NEDD4: variants seen among roughly 807,000 people sequenced by gnomAD.
NEDD4 encodes E3 ubiquitin-protein ligase NEDD4.
NEDD4 carries 99 observed loss-of-function variants against 144.9 expected under a neutral mutation model. The ratio of observed to expected loss-of-function variants is 0.68; its 90% CI spans 0.58 to 0.81. The LOEUF (loss-of-function observed/expected upper bound fraction) is 0.81. Among genes scored for constraint, NEDD4 ranks in the 30% least tolerant of loss-of-function variants. The pLI is 0.00. For missense variants in NEDD4, 985 were observed against 1,065.9 expected (o/e 0.92, Z 1.06); for synonymous variants, 318 against 350.6 (o/e 0.91, Z 1.04).
chr15:55,833,504 A>G (rs1388131176), intron 26 of NEDD4, among the ~76,000 whole-genome samples: 2 of 150,892 alleles, frequency 1.3e-5, no homozygotes, highest in Non-Finnish European at 3.0e-5. Context: ...CTAAAAATAC[A>G]AAAAAAAATA....
chr15:55,831,220 G>T lies in NEDD4; in HGVS notation c.2528-634C>A, dbSNP rs528926381. 1.0e-3 allele frequency among the ~76,000 whole-genome samples: 154 copies of T among 152,196 alleles called. 1 individual carries two copies. The highest frequency in any genetic ancestry group is 3.5e-3 in the African/African-American group (146 of 41,546). Reference sequence around the variant, plus strand: ...CAGGCATGAGCTACCGCACCCAGCCGCCTTAACATACTTTTTATTGGCTAT... The same window carrying T: ...CAGGCATGAGCTACCGCACCCAGCCTCCTTAACATACTTTTTATTGGCTAT... On this transcript the variant is annotated intron_variant, in intron 27 of 28. Coordinates refer to ENST00000435532, the MANE Select transcript of NEDD4 (RefSeq NM_006154.4).
In NEDD4 at chr15:55,928,058, G is replaced by T. The variant is rs115533752; in HGVS notation, c.238-3359C>A. On this transcript the variant is annotated intron_variant, in intron 4 of 28. Coordinates refer to ENST00000435532, the MANE Select transcript of NEDD4 (RefSeq NM_006154.4). Reference sequence around the variant, plus strand: ...CCCTTCTCACTCTGTCACCCTGGCTGGAGTACAGTGGTGCAATCCCAACTC... The same window carrying T: ...CCCTTCTCACTCTGTCACCCTGGCTTGAGTACAGTGGTGCAATCCCAACTC... Among the ~76,000 whole-genome samples, 1,177 of 152,066 alleles carry T rather than the reference G, an allele frequency of 7.7e-3. 7 individuals carry two copies. Among genetic ancestry groups the T allele is most frequent in the African/African-American group, 0.024 (1,013 of 41,454 alleles).
intron 5 of NEDD4, among the ~76,000 whole-genome samples, chr15:55,904,689 G>T (rs947100350): frequency 6.6e-6 from 1 of 152,160 alleles, no homozygotes; most frequent in Non-Finnish European, 1.5e-5. Context: ...TACCAAGAAT[G>T]CAAAAAGTTG....
intron 1 of NEDD4, among the ~76,000 whole-genome samples, chr15:55,989,048 C>T (rs2037945140): frequency 6.6e-6 from 1 of 152,098 alleles, no homozygotes; most frequent in Non-Finnish European, 1.5e-5. Flanking sequence ...CCAGCCTGGC[C>T]AACATGGTAA....
chr15:55,888,762 A>G (rs1056790851), intron 5 of NEDD4, among the ~76,000 whole-genome samples: 3 of 152,334 alleles, frequency 2.0e-5, no homozygotes, highest in East Asian at 1.9e-4. Flanking sequence ...AGACAGACCA[A>G]TGGAACAGAA....
At position 55,829,677 on chromosome 15, in the gene NEDD4, T is replaced by G; in HGVS notation, c.*220A>C. On this transcript the variant is annotated 3_prime_UTR_variant, in exon 29 of 29. Coordinates refer to ENST00000435532, the MANE Select transcript of NEDD4 (RefSeq NM_006154.4). ...GCCTGGCTTTAGGCAGGCACCTAAC[T>G]CTAAAGACAGCATGAAACAACTGTG... 2.4e-6 allele frequency: 1 copy of G among 421,284 alleles called. No homozygotes were observed. Among genetic ancestry groups the G allele is most frequent in the Non-Finnish European group, 4.3e-6 (1 of 233,756 alleles). 26.1% of individuals were successfully genotyped at this position (421,284 alleles called of 1,614,324 possible). A position where few individuals can be genotyped will look rare whatever the true frequency, so the allele number is the denominator to read the frequency against.
At chr15:55,849,328 G>A (rs1263503180) in intron 14 of NEDD4, among the ~76,000 whole-genome samples, 1 of 152,072 alleles carries the variant, frequency 6.6e-6, no homozygotes, top group Non-Finnish European at 1.5e-5. Context: ...AGGTTCAAGG[G>A]ATTCTCCTGC....
chr15:55,856,321 T>C, intron 11 of NEDD4, 125 bp from the exon 12 acceptor site: 2 of 790,754 alleles, frequency 2.5e-6, no homozygotes, highest in South Asian at 1.5e-5. Context: ...GATGCAAATG[T>C]TGAGAGTGCA....
chr15:55,867,919 G>A (rs561523824), intron 8 of NEDD4, among the ~76,000 whole-genome samples: 6 of 152,220 alleles, frequency 3.9e-5, no homozygotes, highest in Non-Finnish European at 7.4e-5. Context: ...AGCCAGGCAT[G>A]GTAGCACATG....
At chr15:55,917,829 G>T (rs878893005) in intron 5 of NEDD4, among the ~76,000 whole-genome samples, 1 of 148,956 alleles carries the variant, frequency 6.7e-6, no homozygotes, top group Non-Finnish European at 1.5e-5. Context: ...AATATATGCA[G>T]ATTAGAAAAA....
At position 55,993,601 on chromosome 15, in the gene NEDD4, G is replaced by A. The variant is rs1436121567; in HGVS notation, c.-46C>T. On this transcript the variant is annotated 5_prime_UTR_variant, in exon 1 of 29. Coordinates refer to ENST00000435532, the MANE Select transcript of NEDD4 (RefSeq NM_006154.4). ...CCGGACGCGCTCGCCCCCGCCCAGG[G>A]CAGGCAACTGTGGAGGAGGAGGAGG... 9 of 1,582,626 alleles carry A rather than the reference G, an allele frequency of 5.7e-6. No individual in the cohort carries two copies. The highest frequency in any genetic ancestry group is 2.3e-4 in the Middle Eastern group (1 of 4,420).
intron 5 of NEDD4, chr15:55,905,303 C>T (rs1239664198): frequency 2.2e-6 from 1 of 455,644 alleles, no homozygotes; most frequent in East Asian, 7.0e-5. Context: ...AACTGGCAAT[C>T]ATTAGAAGTT....
chr15:55,963,552 T>C (rs1276512787), intron 2 of NEDD4, among the ~76,000 whole-genome samples: 4 of 152,250 alleles, frequency 2.6e-5, no homozygotes, highest in Non-Finnish European at 5.9e-5. Context: ...AACTTATACC[T>C]GCTCCATCCT....
chr15:55,968,188 T>C (rs1397048419), intron 1 of NEDD4, among the ~76,000 whole-genome samples: 4 of 152,046 alleles, frequency 2.6e-5, no homozygotes, highest in South Asian at 2.1e-4. Context: ...CCAAAATTCA[T>C]AGAGAGGAGT....
intron 4 of NEDD4, among the ~76,000 whole-genome samples, chr15:55,931,015 A>G (rs770927989): frequency 6.6e-6 from 1 of 152,236 alleles, no homozygotes; most frequent in Non-Finnish European, 1.5e-5. Flanking sequence ...TACAAGGCAT[A>G]TAACTGTGAA....
chr15:55,981,838 G>A (rs2037809136), intron 1 of NEDD4, among the ~76,000 whole-genome samples: 1 of 152,148 alleles, frequency 6.6e-6, no homozygotes, highest in African/African-American at 2.4e-5. Flanking sequence ...GACAACCACA[G>A]GTACAGAACA....
chr15:55,829,378 A>G lies in NEDD4; in HGVS notation c.*519T>C, dbSNP rs1052125985. 5 of 152,666 alleles carry G rather than the reference A, an allele frequency of 3.3e-5. No individual in the cohort carries two copies. The highest frequency in any genetic ancestry group is 1.2e-4 in the African/African-American group (5 of 41,460). 9.5% of individuals were successfully genotyped at this position (152,666 alleles called of 1,614,324 possible). On this transcript the variant is annotated 3_prime_UTR_variant, in exon 29 of 29. Transcript: ENST00000435532. Reference sequence around the variant, plus strand: ...AAGGTGCATAAGGCAGGTCTACAAAATAATAAATAGCTGCGAGTAGCACTA... The same window carrying G: ...AAGGTGCATAAGGCAGGTCTACAAAGTAATAAATAGCTGCGAGTAGCACTA...
intron 5 of NEDD4, among the ~76,000 whole-genome samples, chr15:55,887,655 A>G (rs1156546808): frequency 2.0e-5 from 3 of 152,168 alleles, no homozygotes; most frequent in Admixed American, 1.3e-4. Context: ...TTACTCAGAG[A>G]CCAAAACCAA....
In NEDD4 at chr15:55,898,345, A is replaced by G. The variant is rs1043304842; in HGVS notation, c.292-24337T>C. 2.6e-5 allele frequency among the ~76,000 whole-genome samples: 4 copies of G among 152,244 alleles called. No homozygotes were observed. In the East Asian group the frequency reaches 7.7e-4, roughly 29 times the overall value. ...TACAAACTACTGAACTTCATATTCAATTTTTTCTATGTATTAAACAACACT... is the reference window on the plus strand; with the variant it reads ...TACAAACTACTGAACTTCATATTCAGTTTTTTCTATGTATTAAACAACACT... On this transcript the variant is annotated intron_variant, in intron 5 of 28. Transcript: ENST00000435532.
Sources: gnomAD v4.1 joint callset for allele counts (sites outside exome capture counted in the v4.1 genomes callset) on GRCh38, gnomAD v4.1.1 for gene constraint, MANE v1.5 for transcripts, NCBI Gene and HGNC (gene_info 2026-07-23, HGNC 2026-07-21) for gene names.